NAV3: variants seen among roughly 807,000 people sequenced by gnomAD.
The protein encoded by NAV3 is neuron navigator 3, also known as pore membrane and/or filament interacting like protein 1.
A neutral mutation model predicts 244.7 loss-of-function variants in NAV3; 87 were observed. The observed-to-expected ratio is 0.36, with a 90% CI of 0.30 to 0.42. The LOEUF (loss-of-function observed/expected upper bound fraction) is 0.42, where lower values mean the gene tolerates loss of function less well. Among genes scored for constraint, NAV3 ranks in the 20% least tolerant of loss-of-function variants. NAV3 has a pLI of 1.00. For synonymous variants in NAV3, 1,126 were observed against 1,042.2 expected, an observed-to-expected ratio of 1.08 and a Z score of -1.55; for missense variants, 2,663 against 2,893.3, an observed-to-expected ratio of 0.92 and a Z score of 1.83.
chr12:77,925,229 G>T (rs1220861524), intron 1 of NAV3, among the ~76,000 whole-genome samples: 1 of 152,070 alleles, frequency 6.6e-6, no homozygotes, highest in East Asian at 1.9e-4. Context: ...TATTTTGAAG[G>T]TCAACTTTAA....
intron 2 of NAV3, among the ~76,000 whole-genome samples, chr12:77,694,957 T>A (rs1727835): frequency 0.81 from 123,863 of 152,124 alleles, 52,974 homozygotes; most frequent in East Asian, 1. Flanking sequence ...GAAGTTGTAT[T>A]ACACCACTGG....
chr12:77,812,237 T>G (rs1257306284), intron 2 of NAV3, among the ~76,000 whole-genome samples: 2 of 152,006 alleles, frequency 1.3e-5, no homozygotes, highest in Non-Finnish European at 2.9e-5. Flanking sequence ...ACTGAAAGCA[T>G]TTAGAAAACC....
chr12:77,863,510 C>G (rs914272630), intron 1 of NAV3, among the ~76,000 whole-genome samples: 1 of 151,584 alleles, frequency 6.6e-6, no homozygotes, highest in Non-Finnish European at 1.5e-5. Context: ...AAATAAAATT[C>G]TCCTATATTT....
At chr12:77,873,746 A>ATG (rs1881399096) in intron 1 of NAV3, among the ~76,000 whole-genome samples, 2 of 67,790 alleles carry the variant, frequency 3.0e-5, no homozygotes, top group African/African-American at 9.3e-5. Flanking sequence ...GTGTGTGTGT[A>ATG]TATATATATA....
At chr12:77,872,807 T>C (rs1046073478) in intron 1 of NAV3, among the ~76,000 whole-genome samples, 2 of 152,248 alleles carry the variant, frequency 1.3e-5, no homozygotes, top group Admixed American at 6.5e-5. Flanking sequence ...GTCATTTTTT[T>C]CATATTCTAT....
intron 2 of NAV3, among the ~76,000 whole-genome samples, chr12:77,821,631 T>C (rs1230164807): frequency 6.6e-6 from 1 of 152,210 alleles, no homozygotes; most frequent in Non-Finnish European, 1.5e-5. Flanking sequence ...TGCCACTCTT[T>C]TATGTTTTAG....
chr12:77,659,308 C>G (rs1873305806), intron 2 of NAV3, among the ~76,000 whole-genome samples: 1 of 151,450 alleles, frequency 6.6e-6, no homozygotes, highest in South Asian at 2.1e-4. Flanking sequence ...AGGACATGAA[C>G]AGACCCTTCT....
intron 5 of NAV3, among the ~76,000 whole-genome samples, chr12:77,987,783 G>A (rs2619050): frequency 0.54 from 81,620 of 151,984 alleles, 22,703 homozygotes; most frequent in East Asian, 0.73. Flanking sequence ...GATATTCAGA[G>A]AGGGGATTCT....
At chr12:77,696,437 T>G (rs2137182526) in intron 2 of NAV3, among the ~76,000 whole-genome samples, 1 of 152,206 alleles carries the variant, frequency 6.6e-6, no homozygotes. Flanking sequence ...AGCCTACAAA[T>G]AACTGAATTT....
intron 1 of NAV3, among the ~76,000 whole-genome samples, chr12:77,851,993 G>A (rs976084584): frequency 6.6e-6 from 1 of 152,170 alleles, no homozygotes; most frequent in Non-Finnish European, 1.5e-5. Context: ...TGAGAAAGAC[G>A]ACCTAGCTAC....
intron 12 of NAV3, among the ~76,000 whole-genome samples, chr12:78,085,328 T>C (rs1316412047): frequency 6.6e-6 from 1 of 152,110 alleles, no homozygotes; most frequent in Admixed American, 6.5e-5. Context: ...GGATGTCTTT[T>C]CTTGAGACAG....
intron 3 of NAV3, among the ~76,000 whole-genome samples, chr12:77,962,143 C>T (rs1892082145): frequency 6.6e-6 from 1 of 151,976 alleles, no homozygotes; most frequent in African/African-American, 2.4e-5. Context: ...TGGCTTTGTT[C>T]ACTCTTCTCT....
intron 1 of NAV3, among the ~76,000 whole-genome samples, chr12:77,841,947 G>A (rs11106957): frequency 0.14 from 21,845 of 152,100 alleles, 3,882 homozygotes; most frequent in African/African-American, 0.42. Flanking sequence ...TTTCAAGAGA[G>A]ACTAGGAAAT....
intron 2 of NAV3, among the ~76,000 whole-genome samples, chr12:77,673,346 A>G (rs1937777478): frequency 6.6e-6 from 1 of 152,144 alleles, no homozygotes; most frequent in South Asian, 2.1e-4. Flanking sequence ...TAATGAACAT[A>G]ATAGCAATTT....
At chr12:77,914,753 T>C (rs1210604551) in intron 1 of NAV3, among the ~76,000 whole-genome samples, 5 of 152,016 alleles carry the variant, frequency 3.3e-5, no homozygotes, top group Admixed American at 3.3e-4. Context: ...CAGATTTCTG[T>C]TTTGATTCAG....
At chr12:78,042,685 A>C (rs1881072114) in intron 9 of NAV3, among the ~76,000 whole-genome samples, 1 of 152,182 alleles carries the variant, frequency 6.6e-6, no homozygotes, top group Non-Finnish European at 1.5e-5. Context: ...GCTACTTGAG[A>C]GGCCGAAGCA....
In NAV3 at chr12:78,107,329, A is replaced by C. The variant is rs139851856; in HGVS notation, c.2637-9443A>C. On this transcript the variant is annotated intron_variant, in intron 12 of 39. Transcript: ENST00000397909. ...AAGAAAAGATTAGAAAACCCACTTA[A>C]TTAAATAATATATGAAAACTTCCTA... 3.9e-3 allele frequency among the ~76,000 whole-genome samples: 591 copies of C among 152,292 alleles called. 3 individuals carry two copies. Among genetic ancestry groups the C allele is most frequent in the African/African-American group, 0.013 (553 of 41,576 alleles).
intron 37 of NAV3, 143 bp from the exon 38 acceptor site, chr12:78,200,330 C>A: frequency 2.1e-6 from 1 of 469,898 alleles, no homozygotes; most frequent in Non-Finnish European, 3.7e-6. Context: ...AGTAAACATG[C>A]TTTAATAATA....
At chr12:78,198,865 C>T (rs1039724002) in intron 36 of NAV3, among the ~76,000 whole-genome samples, 189 bp downstream of exon 36, 3 of 146,876 alleles carry the variant, frequency 2.0e-5, no homozygotes, top group Non-Finnish European at 4.5e-5. Flanking sequence ...CTTTCTCAAG[C>T]CAACGTTTTG....
Sources: allele counts gnomAD v4.1 joint callset (sites outside exome capture counted in the v4.1 genomes callset), GRCh38; gene constraint gnomAD v4.1.1; transcripts MANE v1.5; gene names NCBI Gene and HGNC (gene_info 2026-07-23, HGNC 2026-07-21).